The following MIPOL1 variants were observed in gnomAD, a reference collection of about 807,000 sequenced individuals.
MIPOL1 encodes the protein mirror-image polydactyly gene 1 protein.
Under a neutral mutation model 60.9 loss-of-function variants are expected in MIPOL1, and 57 were observed. The observed-to-expected ratio is 0.94, with a 90% confidence interval of 0.76 to 1.17. MIPOL1 has a LOEUF of 1.17. MIPOL1 is among the 50% of genes most tolerant of loss of function. The pLI is 0.00. For synonymous variants in MIPOL1, 179 were observed against 168.8 expected (o/e 1.06, Z -0.47); for missense variants, 551 against 511.6 (o/e 1.08, Z -0.74).
chr14:37,488,391 C>T (rs1338709992), intron 11 of MIPOL1, among the ~76,000 whole-genome samples: 7 of 152,162 alleles, frequency 4.6e-5, no homozygotes, highest in East Asian at 3.9e-4. Context: ...AATTTTCTGT[C>T]GTTGATCTGT....
At chr14:37,211,045 A>G (rs984732089) in intron 1 of MIPOL1, among the ~76,000 whole-genome samples, 10 of 152,206 alleles carry the variant, frequency 6.6e-5, no homozygotes, top group Non-Finnish European at 1.2e-4. Flanking sequence ...TAGAAGCAAG[A>G]TGGAGTCAGC....
chr14:37,315,516 A>G (rs1307785552), intron 9 of MIPOL1, among the ~76,000 whole-genome samples: 1 of 126,702 alleles, frequency 7.9e-6, no homozygotes, highest in Non-Finnish European at 1.8e-5. Context: ...GTAGATCAAG[A>G]AAAGTGGACA....
intron 10 of MIPOL1, among the ~76,000 whole-genome samples, chr14:37,387,703 A>G (rs1217717769): frequency 2.0e-5 from 3 of 151,950 alleles, no homozygotes; most frequent in African/African-American, 7.2e-5. Flanking sequence ...TGTCTCAAGG[A>G]CATTTTTAAC....
rs185401301 is a variant in MIPOL1 at position 37,398,478 on chromosome 14, G to A, written c.937-24377G>A. Among the ~76,000 whole-genome samples the A allele has an allele frequency of 2.4e-3, 362 of 152,260 alleles. 1 individual carries two copies. Among genetic ancestry groups the A allele is most frequent in the Non-Finnish European group, 4.1e-3 (280 of 68,016 alleles). On this transcript the variant is annotated intron_variant, in intron 10 of 12. Coordinates refer to ENST00000684589, the MANE Select transcript of MIPOL1 (RefSeq NM_001388067.1). Reference sequence around the variant, plus strand: ...TGTCCATCCGAGTAGGAGCTGCAATGTAGTCCTGCCTCCCATCTGCCATGA... The same window carrying A: ...TGTCCATCCGAGTAGGAGCTGCAATATAGTCCTGCCTCCCATCTGCCATGA...
chr14:37,238,791 A>G (rs564727620), intron 1 of MIPOL1, among the ~76,000 whole-genome samples: 14 of 151,526 alleles, frequency 9.2e-5, no homozygotes, highest in Non-Finnish European at 1.9e-4. Context: ...TTCTACAAAA[A>G]AAAAAAAAAA....
chr14:37,451,318 A>G (rs1003138723), intron 11 of MIPOL1, among the ~76,000 whole-genome samples: 2 of 152,188 alleles, frequency 1.3e-5, no homozygotes, highest in African/African-American at 4.8e-5. Flanking sequence ...GAAGAGAATG[A>G]AGGCAGCTAT....
intron 12 of MIPOL1, among the ~76,000 whole-genome samples, chr14:37,529,401 G>A (rs1186229263): frequency 6.6e-6 from 1 of 152,098 alleles, no homozygotes; most frequent in Non-Finnish European, 1.5e-5. Flanking sequence ...TATACTGCTG[G>A]TTTTGAGTTG....
chr14:37,360,926 G>C (rs760925969), intron 9 of MIPOL1, among the ~76,000 whole-genome samples: 103 of 152,234 alleles, frequency 6.8e-4, no homozygotes, highest in Non-Finnish European at 1.3e-3. Flanking sequence ...GTCAATTTTA[G>C]ATCTTTTCTG....
rs143003005 is a variant in MIPOL1 at position 37,323,491 on chromosome 14, A to G, written c.828+14972A>G. On this transcript the variant is annotated intron_variant, in intron 9 of 12. Coordinates refer to ENST00000684589, the MANE Select transcript of MIPOL1 (RefSeq NM_001388067.1). ...TTTGGTTCCATATGAAATTTTAAGT[A>G]GTTAAGTGTATTAGAGATTTTTATG... Among the ~76,000 whole-genome samples, 646 of 151,964 alleles carry G rather than the reference A, an allele frequency of 4.3e-3. 6 individuals are homozygous for G. The highest frequency in any genetic ancestry group is 6.8e-3 in the Non-Finnish European group (463 of 67,840).
chr14:37,309,102 T>TTTTATTTATTTATTTATTTA, intron 9 of MIPOL1, among the ~76,000 whole-genome samples: 1 of 142,686 alleles, frequency 7.0e-6, no homozygotes, highest in African/African-American at 2.6e-5. Flanking sequence ...TTTCTTGTTA[T>TTTTATTTATTTATTTATTTA]TTTATTTATT....
At chr14:37,528,633 C>T (rs2095462229) in intron 12 of MIPOL1, among the ~76,000 whole-genome samples, 1 of 151,994 alleles carries the variant, frequency 6.6e-6, no homozygotes, top group Non-Finnish European at 1.5e-5. Context: ...ATAATATTCT[C>T]TAAGAGTGAT....
At chr14:37,289,968 T>C (rs778005433) in intron 7 of MIPOL1, among the ~76,000 whole-genome samples, 16 of 152,174 alleles carry the variant, frequency 1.1e-4, no homozygotes, top group Non-Finnish European at 1.6e-4. Flanking sequence ...TGACCAAATA[T>C]GTATTTCACA....
intron 12 of MIPOL1, among the ~76,000 whole-genome samples, chr14:37,501,252 T>C (rs1011616905): frequency 6.6e-6 from 1 of 152,206 alleles, no homozygotes; most frequent in African/African-American, 2.4e-5. Flanking sequence ...TATGCAGTTA[T>C]TCACAATGTA....
intron 9 of MIPOL1, among the ~76,000 whole-genome samples, chr14:37,357,281 G>T (rs1478381009): frequency 6.6e-6 from 1 of 152,136 alleles, no homozygotes; most frequent in Non-Finnish European, 1.5e-5. Context: ...TTTGTTGATT[G>T]TTTCCTATGC....
intron 11 of MIPOL1, among the ~76,000 whole-genome samples, chr14:37,461,723 A>C (rs2094541059): frequency 6.6e-6 from 1 of 152,192 alleles, no homozygotes; most frequent in Non-Finnish European, 1.5e-5. Context: ...GGACCCATGC[A>C]AGTCCAAAAT....
chr14:37,327,580 T>C (rs2153451464), intron 9 of MIPOL1, among the ~76,000 whole-genome samples: 1 of 152,274 alleles, frequency 6.6e-6, no homozygotes, highest in South Asian at 2.1e-4. Context: ...CCATCGTGCC[T>C]GGCCAATTCA....
At chr14:37,198,547 C>T (rs1964705801) in intron 1 of MIPOL1, among the ~76,000 whole-genome samples, 1 of 152,028 alleles carries the variant, frequency 6.6e-6, no homozygotes, top group East Asian at 1.9e-4. Flanking sequence ...TCTTTAAGCG[C>T]GCTAAGCCAT....
intron 12 of MIPOL1, among the ~76,000 whole-genome samples, chr14:37,524,559 C>CTTTTTTTTTTT: frequency 2.2e-4 from 4 of 18,516 alleles, no homozygotes; most frequent in African/African-American, 3.9e-4. Context: ...CTTAATTTTT[C>CTTTTTTTTTTT]TTTTTCTTTT....
In MIPOL1 at chr14:37,357,144, A is replaced by G. The variant is rs113454485; in HGVS notation, c.829-12373A>G. On this transcript the variant is annotated intron_variant, in intron 9 of 12. Transcript: ENST00000684589. ...TACCCAGTAGTGGGATTGCTGGATC[A>G]TATGGTAGCTCTATTTTTAATTTTC... 7.4e-3 allele frequency among the ~76,000 whole-genome samples: 1,128 copies of G among 152,298 alleles called. 16 individuals carry two copies. Among genetic ancestry groups the G allele is most frequent in the African/African-American group, 0.025 (1,059 of 41,562 alleles).
Sources: allele counts gnomAD v4.1 joint callset (sites outside exome capture counted in the v4.1 genomes callset), GRCh38; gene constraint gnomAD v4.1.1; transcripts MANE v1.5; gene names NCBI Gene and HGNC (gene_info 2026-07-23, HGNC 2026-07-21).